UBQLN1: variants seen among roughly 807,000 people sequenced by gnomAD.
UBQLN1 encodes ubiquilin-1.
Under a neutral mutation model 65.4 loss-of-function variants are expected in UBQLN1, and 13 were observed. The ratio of observed to expected loss-of-function variants is 0.20; its 90% CI spans 0.13 to 0.32. The LOEUF (loss-of-function observed/expected upper bound fraction) is 0.32, where lower values mean the gene tolerates loss of function less well. Ranked by LOEUF, UBQLN1 falls within the 10% of genes least tolerant of loss-of-function variation. The pLI is 1.00. For synonymous variants in UBQLN1, 267 were observed against 247.8 expected, an observed-to-expected ratio of 1.08 and a Z score of -0.73; for missense variants, 561 against 724.0, an observed-to-expected ratio of 0.77 and a Z score of 2.58.
intron 3 of UBQLN1, among the ~76,000 whole-genome samples, chr9:83,681,061 T>A (rs1446490169): frequency 6.6e-6 from 1 of 152,152 alleles, no homozygotes; most frequent in Non-Finnish European, 1.5e-5. Flanking sequence ...ATGCTTCTAA[T>A]AATCTTTCCA....
intron 1 of UBQLN1, among the ~76,000 whole-genome samples, chr9:83,700,912 G>A (rs1459025100): frequency 6.6e-6 from 1 of 152,196 alleles, no homozygotes; most frequent in African/African-American, 2.4e-5. Context: ...GGCATGCTCT[G>A]ATTAACGTTT....
chr9:83,697,783 C>CTGGA lies in UBQLN1; in HGVS notation c.180+9713_180+9716dup, dbSNP rs368496052. 8.0e-3 allele frequency among the ~76,000 whole-genome samples: 1,080 copies of CTGGA among 134,594 alleles called. 14 individuals carry two copies. The highest frequency in any genetic ancestry group is 0.029 in the African/African-American group (1,006 of 34,760). The allele number at this position is 134,594 out of a possible 152,430, so 88.3% of individuals were successfully genotyped here. Reference sequence around the variant, plus strand: ...CGAAGTCTCACTCTTATCCCACAGGCTGGAGTGCGATGGCACGATTCAGCT... The same window carrying CTGGA: ...CGAAGTCTCACTCTTATCCCACAGGCTGGATGGAGTGCGATGGCACGATTCAGCT... On this transcript the variant is annotated intron_variant, in intron 1 of 10. Transcript: ENST00000376395.
chr9:83,681,348 A>G lies in UBQLN1; in HGVS notation c.449-1311T>C, dbSNP rs778074951. On this transcript the variant is annotated intron_variant, in intron 3 of 10. Coordinates refer to ENST00000376395, the MANE Select transcript of UBQLN1 (RefSeq NM_013438.5). ...TTATATATGCCAGAGACTGTGTTAC[A>G]TATGTATTGAGAATAAGGCAACAAG... Among the ~76,000 whole-genome samples the G allele has an allele frequency of 3.9e-5, 6 of 152,352 alleles. No homozygotes were observed. In the East Asian group the frequency reaches 5.8e-4, roughly 15 times the overall value.
chr9:83,694,238 A>G (rs2131179431), intron 1 of UBQLN1, among the ~76,000 whole-genome samples: 1 of 152,352 alleles, frequency 6.6e-6, no homozygotes, highest in African/African-American at 2.4e-5. Flanking sequence ...AGAATCACAT[A>G]TTAACAGCAT....
intron 1 of UBQLN1, among the ~76,000 whole-genome samples, chr9:83,687,130 G>C (rs573067984): frequency 4.6e-5 from 7 of 152,204 alleles, no homozygotes; most frequent in Admixed American, 2.0e-4. Flanking sequence ...AGTCCAATGA[G>C]AGTCAAGTAA....
At position 83,661,441 on chromosome 9, in the gene UBQLN1, C is replaced by A; in HGVS notation, c.*346G>T. ...GCAAATGATTTGCTTCTTTTTAATGCTTTTATTCTACATAAATTACTACCA... is the reference window on the plus strand; with the variant it reads ...GCAAATGATTTGCTTCTTTTTAATGATTTTATTCTACATAAATTACTACCA... On this transcript the variant is annotated 3_prime_UTR_variant, in exon 11 of 11. Coordinates refer to ENST00000376395, the MANE Select transcript of UBQLN1 (RefSeq NM_013438.5). The A allele has an allele frequency of 5.5e-6, 1 of 183,372 alleles. No individual in the cohort carries two copies. 11.4% of individuals were successfully genotyped at this position (183,372 alleles called of 1,614,324 possible). A position where few individuals can be genotyped will look rare whatever the true frequency, so the allele number is the denominator to read the frequency against.
intron 6 of UBQLN1, among the ~76,000 whole-genome samples, chr9:83,673,356 T>C (rs576712148): frequency 3.3e-5 from 5 of 151,896 alleles, no homozygotes; most frequent in African/African-American, 7.2e-5. Flanking sequence ...CTGGCCAACA[T>C]GGTGAAACAC....
In UBQLN1 at chr9:83,695,559, AGGT is replaced by A. The variant is rs1366860321; in HGVS notation, c.181-9407_181-9405del. 3.1e-4 allele frequency among the ~76,000 whole-genome samples: 47 copies of A among 152,288 alleles called. No individual in the cohort carries two copies. In the South Asian group the frequency reaches 5.6e-3, roughly 18 times the overall value. On this transcript the variant is annotated intron_variant, in intron 1 of 10. Coordinates refer to ENST00000376395, the MANE Select transcript of UBQLN1 (RefSeq NM_013438.5). ...TAATTTTAAAGCAAAAATATGTAAA[AGGT>A]ATTTTTTAAATGTAAAAGTTATATC...
intron 1 of UBQLN1, among the ~76,000 whole-genome samples, chr9:83,693,600 T>A (rs1401313799): frequency 1.3e-5 from 2 of 152,018 alleles, no homozygotes; most frequent in Non-Finnish European, 2.9e-5. Context: ...CAAATAAGAG[T>A]ACGCAGAGAA....
intron 7 of UBQLN1, 63 bp downstream of exon 7, chr9:83,669,122 T>C: frequency 6.5e-7 from 1 of 1,549,660 alleles, no homozygotes; most frequent in Non-Finnish European, 8.7e-7. Context: ...AAAATCACAA[T>C]TACAAGATTA....
At position 83,661,760 on chromosome 9, in the gene UBQLN1, A is replaced by C; in HGVS notation, c.*27T>G. 1 of 1,568,526 alleles carries C rather than the reference A, an allele frequency of 6.4e-7. No individual in the cohort carries two copies. The highest frequency in any genetic ancestry group is 8.6e-7 in the Non-Finnish European group (1 of 1,159,558). ...TAAGAGCCGTTATCAAAAATAAATT[A>C]CATTTTTTCAAGATACAGAAATGCT... On this transcript the variant is annotated 3_prime_UTR_variant, in exon 11 of 11. Coordinates refer to ENST00000376395, the MANE Select transcript of UBQLN1 (RefSeq NM_013438.5).
At chr9:83,663,482 A>G (rs1331342661) in intron 10 of UBQLN1, among the ~76,000 whole-genome samples, 4 of 152,170 alleles carry the variant, frequency 2.6e-5, no homozygotes, top group Non-Finnish European at 5.9e-5. Flanking sequence ...CAGTCAAAAG[A>G]CAGACTAGAA....
At chr9:83,697,001 CT>C (rs1167219634) in intron 1 of UBQLN1, among the ~76,000 whole-genome samples, 2 of 151,966 alleles carry the variant, frequency 1.3e-5, no homozygotes, top group Non-Finnish European at 2.9e-5. Context: ...GCGTGGAACT[CT>C]TGGGCTCAAG....
At position 83,677,824 on chromosome 9, in the gene UBQLN1, G is replaced by A. The variant is rs1450485345; in HGVS notation, c.1008C>T (p.Ser336=). 13 of 1,613,990 alleles carry A rather than the reference G, an allele frequency of 8.1e-6. No individual in the cohort carries two copies. Among genetic ancestry groups the A allele is most frequent in the African/African-American group, 5.3e-5 (4 of 74,906 alleles). ...TGCCACCCACAGTGCTGGCAGTGCC[G>A]CTGGAAGCTGATGAACTCTGGGAAG... is the stretch of plus-strand genomic sequence containing the variant. ...PQTSQSSSAS[S]GTASTVGGTT... The change falls in exon 6 of 11, where the codon AGC becomes AGT. Residue 336 remains serine (S), a synonymous_variant. Coordinates refer to ENST00000376395, the MANE Select transcript of UBQLN1 (RefSeq NM_013438.5).
chr9:83,670,142 A>C (rs1831707176), intron 6 of UBQLN1, among the ~76,000 whole-genome samples: 1 of 152,028 alleles, frequency 6.6e-6, no homozygotes, highest in Admixed American at 6.6e-5. Context: ...AACTAAGTTA[A>C]TTTGCTTGAC....
At chr9:83,695,807 A>G (rs1301337518) in intron 1 of UBQLN1, among the ~76,000 whole-genome samples, 1 of 152,246 alleles carries the variant, frequency 6.6e-6, no homozygotes, top group Non-Finnish European at 1.5e-5. Flanking sequence ...TTTCATGCCT[A>G]TAATAAATAG....
At chr9:83,665,359 T>C (rs1831627711) in intron 8 of UBQLN1, 1 of 399,976 alleles carries the variant, frequency 2.5e-6, no homozygotes, top group Non-Finnish European at 4.4e-6. Context: ...CCTAAGTCCA[T>C]CATGAAAGCC....
intron 6 of UBQLN1, among the ~76,000 whole-genome samples, chr9:83,671,082 G>A (rs536996700): frequency 3.1e-4 from 47 of 152,106 alleles, no homozygotes; most frequent in Non-Finnish European, 5.4e-4. Context: ...CCTCCTGCCC[G>A]AACCTTCCAA....
At chr9:83,686,548 C>A (rs970866931) in intron 1 of UBQLN1, among the ~76,000 whole-genome samples, 7 of 152,276 alleles carry the variant, frequency 4.6e-5, no homozygotes, top group African/African-American at 1.7e-4. Flanking sequence ...CGATCCTCTG[C>A]TAAGGCCTAA....
Sources: allele counts gnomAD v4.1 joint callset (sites outside exome capture counted in the v4.1 genomes callset), GRCh38; gene constraint gnomAD v4.1.1; transcripts MANE v1.5; gene names NCBI Gene and HGNC (gene_info 2026-07-23, HGNC 2026-07-21).